TTYH1: variants seen among roughly 807,000 people sequenced by gnomAD.
TTYH1 encodes the protein protein tweety homolog 1.
In TTYH1, 33 loss-of-function variants were observed where a neutral mutation model predicts 61.2. That is an observed-to-expected ratio of 0.54 (90% CI 0.41 to 0.72). The LOEUF (loss-of-function observed/expected upper bound fraction) is 0.72. Ranked by LOEUF, TTYH1 falls within the 30% of genes least tolerant of loss-of-function variation. The pLI is 0.00. For synonymous variants in TTYH1, 308 were observed against 266.4 expected (o/e 1.16, Z -1.52); for missense variants, 538 against 575.8 (o/e 0.93, Z 0.67).
intron 10 of TTYH1, chr19:54,433,142 T>C (rs1052403626): frequency 2.0e-5 from 3 of 152,190 alleles, no homozygotes; most frequent in African/African-American, 7.2e-5. Context: ...GACTCCTTTG[T>C]GGAGGGAGGG....
chr19:54,429,446 C>A lies in TTYH1; in HGVS notation c.807+67C>A. On this transcript the variant is annotated intron_variant, in intron 6 of 13. Coordinates refer to ENST00000376530, the MANE Select transcript of TTYH1 (RefSeq NM_020659.4). This position sits in a 1 kb window ranked among gnomAD's most constrained non-coding sequence, Gnocchi z 5.1. ...GGCCTGGAGACTTCAACTTCTGGAT[C>A]TCGGGATGGCATGGCTTAGTAGAGA... 7.0e-7 allele frequency: 1 copy of A among 1,426,446 alleles called. No homozygotes were observed. The highest frequency in any genetic ancestry group is 9.8e-7 in the Non-Finnish European group (1 of 1,015,596). The allele number at this position is 1,426,446 out of a possible 1,614,324, so 88.4% of individuals were successfully genotyped here.
chr19:54,415,631 C>T lies in TTYH1; in HGVS notation c.79C>T (p.Arg27Cys). Residue 27 changes from arginine (R) to cysteine (C), a missense_variant, in exon 1 of 14, where the codon CGC becomes TGC. Physicochemically the swap from Arg to Cys is radical, Grantham distance 180 (BLOSUM62 -3). Around this residue, in one of 3 missense-constraint regions of TTYH1, gnomAD observed 157 missense variants for 157.0 expected, o/e 1.00. Coordinates refer to ENST00000376530, the MANE Select transcript of TTYH1 (RefSeq NM_020659.4). The surrounding 1 kb of genome is among the most constrained non-coding windows in gnomAD (Gnocchi z 5.2). ...GCTGCCCCGCGCCGACTTCCAGCTC[C>T]GCCCGGTGCCCAGCGTTTTCGCGCC... ...HQLPRADFQL[R>C]PVPSVFAPQE... The T allele has an allele frequency of 6.4e-7, 1 of 1,567,022 alleles. No homozygotes were observed. Among genetic ancestry groups the T allele is most frequent in the Non-Finnish European group, 8.6e-7 (1 of 1,164,100 alleles).
In TTYH1 at chr19:54,435,876, A is replaced by C. The variant is rs763309352; in HGVS notation, c.1314+3A>C. The C allele has an allele frequency of 6.2e-7, 1 of 1,613,220 alleles. No individual in the cohort carries two copies. Among genetic ancestry groups the C allele is most frequent in the Non-Finnish European group, 8.5e-7 (1 of 1,179,872 alleles). ...ATGACGACCCTTTCAACCCTCAGGT[A>C]CTGGATGCCTGGGTCTGAGGGAGGA... On this transcript the variant is annotated splice_donor_region_variant and intron_variant, in intron 12 of 13. Coordinates refer to ENST00000376530, the MANE Select transcript of TTYH1 (RefSeq NM_020659.4).
Position 54,419,177 on chromosome 19 carries a change from T to C in TTYH1, c.176T>C (p.Leu59Pro), listed in dbSNP as rs1388685530. ...GCGGGCCTGGGCTTGGGCCTGAGCC[T>C]CATTTTCATCGCTGTCTACCTCATC... The part of the protein sequence containing the change: ...ALAGLGLGLS[L>P]IFIAVYLIRF... Residue 59 changes from leucine (L) to proline (P), a missense_variant, in exon 2 of 14, where the codon CTC becomes CCC. Leu to Pro is a moderately conservative substitution (Grantham distance 98). This residue lies in a region of TTYH1 where 157 missense variants were observed against 157.0 expected (regional missense o/e 1.00). Coordinates refer to ENST00000376530, the MANE Select transcript of TTYH1 (RefSeq NM_020659.4). This position sits in a 1 kb window ranked among gnomAD's most constrained non-coding sequence, Gnocchi z 6.1. 6.2e-7 allele frequency: 1 copy of C among 1,613,166 alleles called. No individual in the cohort carries two copies. Among genetic ancestry groups the C allele is most frequent in the Non-Finnish European group, 8.5e-7 (1 of 1,179,980 alleles).
chr19:54,419,320 AG>A lies in TTYH1; in HGVS notation c.305+17del, dbSNP rs1569251691. The A allele has an allele frequency of 1.1e-6, 1 of 950,794 alleles. No individual in the cohort carries two copies. The allele number at this position is 950,794 out of a possible 1,614,324, so 58.9% of individuals were successfully genotyped here. ...TCTCGCCGGCTGGTAATGGGGCCCC[AG>A]GGTGGGTGGGCGGTGGGGACAGGGC... On this transcript the variant is annotated intron_variant, in intron 2 of 13. Transcript: ENST00000376530. The surrounding 1 kb of genome is among the most constrained non-coding windows in gnomAD (Gnocchi z 6.1).
In TTYH1 at chr19:54,422,098, T is replaced by C. The variant is rs897569014; in HGVS notation, c.418-92T>C. 1.2e-5 allele frequency: 12 copies of C among 1,022,558 alleles called. No individual in the cohort carries two copies. The Admixed American group carries it at 1.2e-4, about 11-fold the overall frequency. 63.3% of individuals were successfully genotyped at this position (1,022,558 alleles called of 1,614,324 possible). ...TCCAGATCTCAGACACCCGCTACTA[T>C]GCACCCCTCCTTCACTTCTAAAACC... On this transcript the variant is annotated intron_variant, in intron 3 of 13. Transcript: ENST00000376530.
Position 54,420,357 on chromosome 19 carries a change from T to A in TTYH1, c.306-920T>A, listed in dbSNP as rs1599886503. On this transcript the variant is annotated intron_variant, in intron 2 of 13. Transcript: ENST00000376530. This position sits in a 1 kb window ranked among gnomAD's most constrained non-coding sequence, Gnocchi z 4.8. ...CTGGCGTGGGGGGAGACAGGGGAGG[T>A]GGACAAAGGCCCAGTGGGGGAGAGA... 6.6e-6 allele frequency among the ~76,000 whole-genome samples: 1 copy of A among 151,244 alleles called. No homozygotes were observed. Among genetic ancestry groups the A allele is most frequent in the Non-Finnish European group, 1.5e-5 (1 of 67,742 alleles).
intron 10 of TTYH1, 192 bp downstream of exon 10, chr19:54,431,383 G>C: frequency 1.7e-6 from 1 of 579,340 alleles, no homozygotes; most frequent in Non-Finnish European, 3.1e-6. Context: ...TACCTATCAA[G>C]CATTATCCAT....
intron 5 of TTYH1, among the ~76,000 whole-genome samples, chr19:54,427,800 C>T (rs1738323638): frequency 6.6e-6 from 1 of 152,144 alleles, no homozygotes; most frequent in Non-Finnish European, 1.5e-5. Flanking sequence ...GTGGCAAAGC[C>T]GCAGGACCAC....
Position 54,421,208 on chromosome 19 carries a change from G to T in TTYH1, c.306-69G>T, listed in dbSNP as rs907513846. 1.5e-5 allele frequency: 15 copies of T among 990,446 alleles called. No homozygotes were observed. The highest frequency in any genetic ancestry group is 2.4e-5 in the Non-Finnish European group (15 of 623,438). The allele number at this position is 990,446 out of a possible 1,614,324, so 61.4% of individuals were successfully genotyped here. A position where few individuals can be genotyped will look rare whatever the true frequency, so the allele number is the denominator to read the frequency against. On this transcript the variant is annotated intron_variant, in intron 2 of 13. Transcript: ENST00000376530. The surrounding 1 kb of genome is among the most constrained non-coding windows in gnomAD (Gnocchi z 4.8). ...AAGAAGGCGAGGTGGAGGGGATGGG[G>T]TGGGAGGGGACGGTGGCCCCCGGGG...
rs1883073262 is a variant in TTYH1 at position 54,427,635 on chromosome 19, TGAG to T, written c.734+870_734+872del. On this transcript the variant is annotated intron_variant, in intron 5 of 13. Transcript: ENST00000376530. ...AACAACAACAAAAAAAAAAAACAGA[TGAG>T]GATGATGATCTATTGAGGGTCATGC... Among the ~76,000 whole-genome samples the T allele has an allele frequency of 3.4e-5, 5 of 145,788 alleles. No homozygotes were observed. In the South Asian group the frequency reaches 1.1e-3, roughly 32 times the overall value.
In TTYH1 at chr19:54,416,059, CAGAGCAGGTGAAT is replaced by C. The variant is rs898198045; in HGVS notation, c.126+383_126+395del. On this transcript the variant is annotated intron_variant, in intron 1 of 13. Coordinates refer to ENST00000376530, the MANE Select transcript of TTYH1 (RefSeq NM_020659.4). This position sits in a 1 kb window ranked among gnomAD's most constrained non-coding sequence, Gnocchi z 7.0. ...AAAAGATGACCCTGCCCCACAGGAT[CAGAGCAGGTGAAT>C]ATGTCCCAGATAAGGTGGGACCCAG... 2.4e-5 allele frequency: 31 copies of C among 1,309,648 alleles called. No individual in the cohort carries two copies. The highest frequency in any genetic ancestry group is 2.6e-5 in the Non-Finnish European group (26 of 992,698). The allele number at this position is 1,309,648 out of a possible 1,614,324, so 81.1% of individuals were successfully genotyped here. A position where few individuals can be genotyped will look rare whatever the true frequency, so the allele number is the denominator to read the frequency against.
chr19:54,435,541 G>A lies in TTYH1; in HGVS notation c.1126-1G>A. On this transcript the variant is annotated splice_acceptor_variant, in intron 10 of 13. Coordinates refer to ENST00000376530, the MANE Select transcript of TTYH1 (RefSeq NM_020659.4). LOFTEE classifies it high-confidence loss of function. ...ATGGCCTGATGACGCCCTCCCCTCA[G>A]GACTATGGTGCAGCCCTGCGGGGCC... 1 of 1,596,956 alleles carries A rather than the reference G, an allele frequency of 6.3e-7. No individual in the cohort carries two copies. The highest frequency in any genetic ancestry group is 8.5e-7 in the Non-Finnish European group (1 of 1,174,342).
Position 54,419,111 on chromosome 19 carries a change from G to A in TTYH1, c.127-17G>A, listed in dbSNP as rs949823824. The A allele has an allele frequency of 1.9e-6, 3 of 1,602,416 alleles. No individual in the cohort carries two copies. The highest frequency in any genetic ancestry group is 2.6e-6 in the Non-Finnish European group (3 of 1,173,338). On this transcript the variant is annotated splice_polypyrimidine_tract_variant and intron_variant, in intron 1 of 13. Transcript: ENST00000376530. This position sits in a 1 kb window ranked among gnomAD's most constrained non-coding sequence, Gnocchi z 6.1. ...ACACGGGTGCCCTCGGAGGTCTGAT[G>A]TCACCCCCTTCCCCAGGCCTTGTTG...
In TTYH1 at chr19:54,435,340, G is replaced by A. The variant is rs375491303; in HGVS notation, c.1126-202G>A. The stretch of plus-strand genomic sequence containing the variant: ...TCTGGAGGCTGGGCAATTAATTCCT[G>A]AGTGCCAGGCCTATCACACCAAAGA... On this transcript the variant is annotated intron_variant, in intron 10 of 13. Coordinates refer to ENST00000376530, the MANE Select transcript of TTYH1 (RefSeq NM_020659.4). Among the ~76,000 whole-genome samples the A allele has an allele frequency of 1.4e-4, 21 of 152,234 alleles. No homozygotes were observed. The East Asian group carries it at 3.3e-3, about 24-fold the overall frequency.
intron 7 of TTYH1, 32 bp from the exon 8 acceptor site, chr19:54,430,518 T>C: frequency 6.2e-7 from 1 of 1,612,514 alleles, no homozygotes; most frequent in South Asian, 1.1e-5. Flanking sequence ...CCCAGGCTCA[T>C]GGCCTCCTCC....
At chr19:54,418,140 T>C (rs1430466068) in intron 1 of TTYH1, 3 of 152,226 alleles carry the variant, frequency 2.0e-5, no homozygotes, top group African/African-American at 7.2e-5. Flanking sequence ...TGTCCCTCCA[T>C]GCTCCGGGGC....
rs774476844 is a variant in TTYH1 at position 54,436,150 on chromosome 19, T to A, written c.*21T>A. 7.4e-6 allele frequency: 12 copies of A among 1,613,968 alleles called. No homozygotes were observed. The highest frequency in any genetic ancestry group is 9.3e-6 in the Non-Finnish European group (11 of 1,179,986). On this transcript the variant is annotated 3_prime_UTR_variant, in exon 13 of 14. Transcript: ENST00000376530. This position sits in a 1 kb window ranked among gnomAD's most constrained non-coding sequence, Gnocchi z 4.3. ...TCTGAGCCCCTCCTCCCGGCTGGACTGGAGCCTGGCTCCCCTCTTCGGTGA... is the reference window on the plus strand; with the variant it reads ...TCTGAGCCCCTCCTCCCGGCTGGACAGGAGCCTGGCTCCCCTCTTCGGTGA...
intron 4 of TTYH1, among the ~76,000 whole-genome samples, chr19:54,425,106 G>A (rs1029260253): frequency 6.6e-6 from 1 of 152,234 alleles, no homozygotes; most frequent in Non-Finnish European, 1.5e-5. Context: ...CGATCAGGAT[G>A]AACCCAGGCA....
Sources: allele counts gnomAD v4.1 joint callset (sites outside exome capture counted in the v4.1 genomes callset), GRCh38; gene constraint gnomAD v4.1.1; regional missense constraint gnomAD v4.1.1; non-coding constraint Gnocchi (gnomAD v3.1); transcripts MANE v1.5; gene names NCBI Gene and HGNC (gene_info 2026-07-23, HGNC 2026-07-21).